The following RUNX1 variants were observed in gnomAD, a reference collection of about 807,000 sequenced individuals.
RUNX1 encodes the protein runt-related transcription factor 1.
Under a neutral mutation model 42.8 loss-of-function variants are expected in RUNX1, and 19 were observed. The ratio of observed to expected loss-of-function variants is 0.44; its 90% CI spans 0.31 to 0.65. The LOEUF (loss-of-function observed/expected upper bound fraction) is 0.65, where lower values mean the gene tolerates loss of function less well. Among genes scored for constraint, RUNX1 ranks in the 30% least tolerant of loss-of-function variants. The pLI, the probability that RUNX1 is intolerant of heterozygous loss-of-function variation, is 0.07. For synonymous variants in RUNX1, 271 were observed against 289.4 expected, an observed-to-expected ratio of 0.94 and a Z score of 0.64; for missense variants, 528 against 672.0, an observed-to-expected ratio of 0.79 and a Z score of 2.37.
At chr21:34,945,409 C>T (rs1315907222) in intron 2 of RUNX1, among the ~76,000 whole-genome samples, 2 of 152,216 alleles carry the variant, frequency 1.3e-5, no homozygotes, top group Non-Finnish European at 2.9e-5. Flanking sequence ...TTTGAGAGTA[C>T]ATTTTCCCCT....
intron 2 of RUNX1, among the ~76,000 whole-genome samples, chr21:35,029,701 G>T (rs2059260179): frequency 1.3e-5 from 2 of 152,144 alleles, no homozygotes; most frequent in Admixed American, 6.5e-5. Context: ...CTCTTAAGGG[G>T]ATCTTTTGAC....
intron 6 of RUNX1, among the ~76,000 whole-genome samples, chr21:34,844,113 A>T (rs910453254): frequency 3.9e-5 from 6 of 152,208 alleles, no homozygotes; most frequent in African/African-American, 1.4e-4. Context: ...ACTGAAAAGT[A>T]ACCAGAGAGT....
At chr21:34,796,557 G>A (rs2056530145) in intron 8 of RUNX1, among the ~76,000 whole-genome samples, 1 of 152,182 alleles carries the variant, frequency 6.6e-6, no homozygotes, top group African/African-American at 2.4e-5. Context: ...GGGCTTAGGA[G>A]GTCCAGGTAT....
chr21:34,873,204 C>T (rs1245223926), intron 5 of RUNX1, among the ~76,000 whole-genome samples: 1 of 152,174 alleles, frequency 6.6e-6, no homozygotes, highest in Non-Finnish European at 1.5e-5. Flanking sequence ...GGAGTGTTTC[C>T]ACCTCCAGAG....
intron 7 of RUNX1, among the ~76,000 whole-genome samples, chr21:34,805,600 A>G (rs1291604223): frequency 6.6e-6 from 1 of 152,224 alleles, no homozygotes; most frequent in Non-Finnish European, 1.5e-5. Flanking sequence ...AAAGCTACCA[A>G]ACTATTATTC....
rs201327422 is a variant in RUNX1 at position 34,853,320 on chromosome 21, C to CA, written c.613+6153dup. Among the ~76,000 whole-genome samples the CA allele has an allele frequency of 8.6e-3, 1,309 of 151,816 alleles. 21 individuals are homozygous for CA. The highest frequency in any genetic ancestry group is 0.024 in the African/African-American group (1,005 of 41,424). Reference sequence around the variant, plus strand: ...AAACACTGATTCCCTCCTGTCAGTACAAAAAAAATGATGAATGCCAAAGCA... The same window carrying CA: ...AAACACTGATTCCCTCCTGTCAGTACAAAAAAAAATGATGAATGCCAAAGCA... On this transcript the variant is annotated intron_variant, in intron 6 of 8. Coordinates refer to ENST00000675419, the MANE Select transcript of RUNX1 (RefSeq NM_001754.5).
intron 2 of RUNX1, among the ~76,000 whole-genome samples, chr21:34,990,229 T>C (rs959748954): frequency 2.0e-5 from 3 of 152,198 alleles, no homozygotes; most frequent in African/African-American, 4.8e-5. Context: ...AGGCATCAGA[T>C]CCGACAAAAT....
At chr21:35,005,522 C>A (rs1162280827) in intron 2 of RUNX1, among the ~76,000 whole-genome samples, 2 of 152,146 alleles carry the variant, frequency 1.3e-5, no homozygotes, top group Non-Finnish European at 2.9e-5. Flanking sequence ...TAGGAACTAT[C>A]AGTTTTCCAG....
chr21:34,890,853 G>A (rs1021166662), intron 3 of RUNX1, among the ~76,000 whole-genome samples: 18 of 151,894 alleles, frequency 1.2e-4, no homozygotes, highest in South Asian at 6.3e-4. Context: ...CCGCTCTAGA[G>A]GCAAGTTCTG....
intron 2 of RUNX1, among the ~76,000 whole-genome samples, chr21:34,982,341 G>A (rs1410448077): frequency 6.6e-6 from 1 of 151,822 alleles, no homozygotes; most frequent in Non-Finnish European, 1.5e-5. Context: ...TGATGAAGGG[G>A]TAGCTCTTAC....
chr21:34,954,560 G>A (rs1192749467), intron 2 of RUNX1, among the ~76,000 whole-genome samples: 1 of 152,092 alleles, frequency 6.6e-6, no homozygotes, highest in African/African-American at 2.4e-5. Flanking sequence ...CCTTTCCTTG[G>A]CCTCTCTTAC....
At position 34,790,959 on chromosome 21, in the gene RUNX1, C is replaced by A. The variant is rs1196736611; in HGVS notation, c.*1176G>T. On this transcript the variant is annotated 3_prime_UTR_variant, in exon 9 of 9. Coordinates refer to ENST00000675419, the MANE Select transcript of RUNX1 (RefSeq NM_001754.5). ...TCCCTGGGCAGAAATCAAATCCTCT[C>A]CAAAGATGTAATTATTGGCACCTGC... 4.3e-6 allele frequency: 1 copy of A among 233,590 alleles called. No individual in the cohort carries two copies. Among genetic ancestry groups the A allele is most frequent in the Non-Finnish European group, 8.5e-6 (1 of 118,056 alleles). 14.5% of individuals were successfully genotyped at this position (233,590 alleles called of 1,614,324 possible). A position where few individuals can be genotyped will look rare whatever the true frequency, so the allele number is the denominator to read the frequency against.
At chr21:34,959,584 G>C (rs933395605) in intron 2 of RUNX1, among the ~76,000 whole-genome samples, 1 of 152,144 alleles carries the variant, frequency 6.6e-6, no homozygotes, top group Non-Finnish European at 1.5e-5. Flanking sequence ...GACCAGAAGA[G>C]AGAAGATAAG....
chr21:34,817,057 G>C (rs1487390616), intron 7 of RUNX1, among the ~76,000 whole-genome samples: 1 of 152,186 alleles, frequency 6.6e-6, no homozygotes, highest in Non-Finnish European at 1.5e-5. Context: ...ATTCAGACAG[G>C]TTCTACCAGG....
At chr21:35,006,111 G>C (rs1020477786) in intron 2 of RUNX1, among the ~76,000 whole-genome samples, 1 of 152,140 alleles carries the variant, frequency 6.6e-6, no homozygotes, top group Non-Finnish European at 1.5e-5. Flanking sequence ...CATCTATTAA[G>C]GTCACCAGGC....
chr21:35,031,323 G>A (rs1461870000), intron 2 of RUNX1, among the ~76,000 whole-genome samples: 2 of 152,102 alleles, frequency 1.3e-5, no homozygotes, highest in Admixed American at 1.3e-4. Flanking sequence ...ACTCCAGCCT[G>A]GGCAACAAGA....
intron 2 of RUNX1, among the ~76,000 whole-genome samples, chr21:34,956,024 CCAAAA>C (rs1429906868): frequency 1.3e-5 from 2 of 152,160 alleles, no homozygotes; most frequent in African/African-American, 2.4e-5. Context: ...CAGCTAATAG[CCAAAA>C]CAAAACAGCA....
intron 6 of RUNX1, 21 bp from the exon 7 acceptor site, chr21:34,834,622 G>A (rs752686591): frequency 6.6e-7 from 1 of 1,523,830 alleles, no homozygotes; most frequent in Admixed American, 1.7e-5. Context: ...GAGCAGGGAG[G>A]GGAGGGGATG....
intron 2 of RUNX1, among the ~76,000 whole-genome samples, chr21:34,948,063 C>A (rs2058577821): frequency 6.6e-6 from 1 of 151,850 alleles, no homozygotes; most frequent in Non-Finnish European, 1.5e-5. Flanking sequence ...CCCACTCCCA[C>A]CCCGACATAA....
Sources: gnomAD v4.1 joint callset for allele counts (sites outside exome capture counted in the v4.1 genomes callset) on GRCh38, gnomAD v4.1.1 for gene constraint, MANE v1.5 for transcripts, NCBI Gene and HGNC (gene_info 2026-07-23, HGNC 2026-07-21) for gene names.